Variants in ERBB4 observed in about 807,000 individuals in gnomAD.
ERBB4 encodes the protein receptor tyrosine-protein kinase erbB-4.
ERBB4 carries 42 observed loss-of-function variants against 158.0 expected under a neutral mutation model. The observed-to-expected ratio is 0.27, with a 90% CI of 0.21 to 0.34. ERBB4 has a LOEUF of 0.34. Ranked by LOEUF, ERBB4 falls within the 10% of genes least tolerant of loss-of-function variation. ERBB4 has a pLI of 1.00. For missense variants in ERBB4, 1,333 were observed against 1,624.1 expected, an observed-to-expected ratio of 0.82 and a Z score of 3.08; for synonymous variants, 583 against 558.7, an observed-to-expected ratio of 1.04 and a Z score of -0.61.
chr2:211,487,188 T>C (rs116526002), intron 20 of ERBB4, among the ~76,000 whole-genome samples: 2,768 of 133,654 alleles, frequency 0.021, 86 homozygotes, highest in African/African-American at 0.073. Flanking sequence ...GATGTTCCCC[T>C]TCCTGTGTCC....
At chr2:211,795,974 T>C (rs540119604) in intron 3 of ERBB4, among the ~76,000 whole-genome samples, 1 of 152,062 alleles carries the variant, frequency 6.6e-6, no homozygotes, top group African/African-American at 2.4e-5. Flanking sequence ...TTATAAAACA[T>C]AAATCTTGTG....
At chr2:211,956,029 AGTGTGTGT>A (rs3070122) in intron 2 of ERBB4, among the ~76,000 whole-genome samples, 2,961 of 146,414 alleles carry the variant, frequency 0.02, 42 homozygotes, top group Middle Eastern at 0.029. Flanking sequence ...TCATCTCTAA[AGTGTGTGT>A]GTGTGTGTGT....
At chr2:212,122,310 T>C (rs2079780137) in intron 2 of ERBB4, among the ~76,000 whole-genome samples, 1 of 151,960 alleles carries the variant, frequency 6.6e-6, no homozygotes, top group South Asian at 2.1e-4. Flanking sequence ...ATTAGAAAGG[T>C]GTAATACATA....
At chr2:211,951,330 T>C (rs773477797) in intron 2 of ERBB4, among the ~76,000 whole-genome samples, 2 of 152,118 alleles carry the variant, frequency 1.3e-5, no homozygotes, top group Non-Finnish European at 2.9e-5. Context: ...TTTTTCAGTG[T>C]CACTTGGCAT....
At chr2:211,542,720 A>T (rs1469813807) in intron 20 of ERBB4, among the ~76,000 whole-genome samples, 1 of 151,894 alleles carries the variant, frequency 6.6e-6, no homozygotes, top group Non-Finnish European at 1.5e-5. Flanking sequence ...CTCCCATTAT[A>T]TTTAAAATAC....
chr2:211,980,356 A>G (rs867842886), intron 2 of ERBB4, among the ~76,000 whole-genome samples: 22 of 152,196 alleles, frequency 1.4e-4, no homozygotes, highest in Admixed American at 1.1e-3. Flanking sequence ...GCAGTTGAGT[A>G]GACCGAAGAG....
chr2:211,925,797 A>G (rs1051210178), intron 3 of ERBB4, among the ~76,000 whole-genome samples: 3 of 152,116 alleles, frequency 2.0e-5, no homozygotes, highest in Non-Finnish European at 4.4e-5. Context: ...AGAAAGAAGG[A>G]TTGTGTAGGA....
intron 20 of ERBB4, among the ~76,000 whole-genome samples, chr2:211,458,111 T>TCTATGATATATCCATAGATATATCACC (rs2064429811): frequency 6.6e-6 from 1 of 152,102 alleles, no homozygotes; most frequent in Non-Finnish European, 1.5e-5. Context: ...GATATATCAC[T>TCTATGATATATCCATAGATATATCACC]CTATATATCT....
chr2:211,651,449 C>A (rs1394445820), intron 16 of ERBB4, among the ~76,000 whole-genome samples: 2 of 152,116 alleles, frequency 1.3e-5, no homozygotes, highest in African/African-American at 4.8e-5. Context: ...AGGATTACAG[C>A]CACTGAAATA....
intron 1 of ERBB4, among the ~76,000 whole-genome samples, chr2:212,157,576 T>A (rs2081079037): frequency 6.6e-6 from 1 of 152,116 alleles, no homozygotes; most frequent in Non-Finnish European, 1.5e-5. Flanking sequence ...CTGGGTTTTT[T>A]TGAAACCAGT....
chr2:211,869,717 G>A (rs1246261593), intron 3 of ERBB4, among the ~76,000 whole-genome samples: 1 of 152,120 alleles, frequency 6.6e-6, no homozygotes, highest in Non-Finnish European at 1.5e-5. Context: ...GGTCCATCAT[G>A]TGTCTAAGAA....
At chr2:212,324,804 T>G (rs1035169608) in intron 1 of ERBB4, among the ~76,000 whole-genome samples, 8 of 150,558 alleles carry the variant, frequency 5.3e-5, no homozygotes, top group Admixed American at 2.0e-4. Flanking sequence ...CTACATTCAG[T>G]TTTACAGAAT....
intron 2 of ERBB4, among the ~76,000 whole-genome samples, chr2:211,949,357 T>G (rs1440742002): frequency 6.6e-6 from 1 of 152,178 alleles, no homozygotes; most frequent in Non-Finnish European, 1.5e-5. Context: ...ATCAAAATCT[T>G]TATGCCATTC....
At chr2:212,491,348 A>C (rs1385488880) in intron 1 of ERBB4, among the ~76,000 whole-genome samples, 1 of 151,668 alleles carries the variant, frequency 6.6e-6, no homozygotes, top group Non-Finnish European at 1.5e-5. Flanking sequence ...ACAGAATCAA[A>C]GTTAGGGTCA....
At chr2:212,015,765 T>C (rs1001189621) in intron 2 of ERBB4, among the ~76,000 whole-genome samples, 3 of 152,118 alleles carry the variant, frequency 2.0e-5, no homozygotes, top group South Asian at 2.1e-4. Context: ...TTACAGTGTC[T>C]AGTATTTTCA....
At chr2:211,780,962 C>T (rs368757303) in intron 4 of ERBB4, among the ~76,000 whole-genome samples, 7 of 152,218 alleles carry the variant, frequency 4.6e-5, no homozygotes, top group African/African-American at 1.7e-4. Context: ...TCTGTGTATA[C>T]ATTTATGCAA....
intron 1 of ERBB4, among the ~76,000 whole-genome samples, chr2:212,388,802 G>C (rs115168390): frequency 1.7e-3 from 260 of 152,184 alleles, no homozygotes; most frequent in Middle Eastern, 6.8e-3. Flanking sequence ...CCAATCTTGA[G>C]AGCCTTGACT....
intron 3 of ERBB4, among the ~76,000 whole-genome samples, chr2:211,867,244 G>A (rs560284565): frequency 2.6e-5 from 4 of 151,862 alleles, no homozygotes; most frequent in East Asian, 3.9e-4. Context: ...TTACTTTTTC[G>A]GCTTTGATTC....
chr2:212,191,649 A>G (rs545091142), intron 1 of ERBB4, among the ~76,000 whole-genome samples: 5 of 109,540 alleles, frequency 4.6e-5, no homozygotes, highest in African/African-American at 1.0e-4. Context: ...TATATATAAC[A>G]CATGCGTTAT....
Sources: gnomAD v4.1 joint callset for allele counts (sites outside exome capture counted in the v4.1 genomes callset) on GRCh38, gnomAD v4.1.1 for gene constraint, MANE v1.5 for transcripts, NCBI Gene and HGNC (gene_info 2026-07-23, HGNC 2026-07-21) for gene names.